Variants in FAAH2 observed in about 807,000 individuals in gnomAD.
FAAH2 encodes fatty-acid amide hydrolase 2.
Under a neutral mutation model 36.9 loss-of-function variants are expected in FAAH2, and 60 were observed. That is an observed-to-expected ratio of 1.63 (90% confidence interval 1.32 to 2.02). The LOEUF is 2.02. Among genes scored for constraint, FAAH2 ranks in the 30% most tolerant of loss-of-function variants. FAAH2 has a pLI of 0.00. For missense variants in FAAH2, 689 were observed against 397.5 expected, an observed-to-expected ratio of 1.73 and a Z score of -6.23; for synonymous variants, 214 against 143.8, an observed-to-expected ratio of 1.49 and a Z score of -3.49.
At chrX:57,177,320 T>C in the FAAH2 span, among the ~76,000 whole-genome samples, 1 of 108,186 alleles carries the variant, frequency 9.2e-6, no homozygotes, top group East Asian at 2.9e-4. Flanking sequence ...CAGGCACCTC[T>C]TTTCATATGC....
chrX:57,364,422 T>G (rs5960960), intron 5 of FAAH2, among the ~76,000 whole-genome samples: 35,559 of 100,757 alleles, frequency 0.35, 5,979 homozygotes, highest in Middle Eastern at 0.59. Flanking sequence ...CACTTCTGCT[T>G]GTGCTTATTT....
intron 10 of FAAH2, chrX:57,452,245 C>T: frequency 4.0e-6 from 3 of 754,342 alleles, no homozygotes; most frequent in Non-Finnish European, 3.1e-6. Flanking sequence ...GCCAGGAATG[C>T]TAAGCAGATC....
the FAAH2 span, among the ~76,000 whole-genome samples, chrX:57,217,837 T>C: frequency 8.9e-6 from 1 of 112,164 alleles, no homozygotes; most frequent in Non-Finnish European, 1.9e-5. Flanking sequence ...GGTATTTTGA[T>C]GGAGATTGCA....
At chrX:57,276,443 T>C in the FAAH2 span, among the ~76,000 whole-genome samples, 1 of 112,010 alleles carries the variant, frequency 8.9e-6, no homozygotes, top group Non-Finnish European at 1.9e-5. Context: ...GGGAAATTTA[T>C]AGCACTAAAT....
chrX:57,280,883 G>A, the FAAH2 span, among the ~76,000 whole-genome samples: 1 of 112,049 alleles, frequency 8.9e-6, no homozygotes, highest in Non-Finnish European at 1.9e-5. Flanking sequence ...TGGAATACTA[G>A]GTAACAATGA....
intron 5 of FAAH2, among the ~76,000 whole-genome samples, chrX:57,371,566 G>A (rs1025554141): frequency 1.9e-5 from 2 of 106,703 alleles, no homozygotes; most frequent in Non-Finnish European, 3.9e-5. Context: ...TGTCTTTTAG[G>A]TAGAACAATA....
the FAAH2 span, among the ~76,000 whole-genome samples, chrX:57,163,766 C>T: frequency 1.8e-5 from 2 of 112,276 alleles, no homozygotes; most frequent in African/African-American, 6.5e-5. Context: ...CTGTCTGGCA[C>T]TACCTAGTGA....
intron 7 of FAAH2, among the ~76,000 whole-genome samples, chrX:57,385,905 T>TAA (rs34589565): frequency 0.011 from 1,038 of 95,803 alleles, 10 homozygotes; most frequent in African/African-American, 0.024. Flanking sequence ...GAGACTCCGT[T>TAA]AAAAAAAAAA....
At chrX:57,279,256 G>T in the FAAH2 span, among the ~76,000 whole-genome samples, 1 of 112,546 alleles carries the variant, frequency 8.9e-6, no homozygotes, top group African/African-American at 3.2e-5. Context: ...TATACACCAT[G>T]GAATACTATG....
intron 4 of FAAH2, among the ~76,000 whole-genome samples, chrX:57,338,397 G>T (rs1285887995): frequency 2.7e-5 from 3 of 111,707 alleles, no homozygotes; most frequent in Non-Finnish European, 5.6e-5. Context: ...CATCAGTTAA[G>T]GCAAGGACTG....
the FAAH2 span, among the ~76,000 whole-genome samples, chrX:57,148,140 T>G: frequency 1.8e-5 from 2 of 111,512 alleles, no homozygotes; most frequent in Non-Finnish European, 3.8e-5. Context: ...TTGGTACCAG[T>G]ACCATGCTGT....
chrX:57,185,055 C>T, the FAAH2 span, among the ~76,000 whole-genome samples: 1 of 110,838 alleles, frequency 9.0e-6, no homozygotes. Context: ...TCCATTTCCT[C>T]AAGCATTTAT....
At chrX:57,376,014 C>T (rs1228447706) in intron 5 of FAAH2, among the ~76,000 whole-genome samples, 3 of 110,818 alleles carry the variant, frequency 2.7e-5, no homozygotes, top group Non-Finnish European at 5.7e-5. Flanking sequence ...ATTGCAGTGC[C>T]ATCTTTGTTT....
intron 7 of FAAH2, among the ~76,000 whole-genome samples, chrX:57,418,977 T>G (rs1190800245): frequency 9.5e-6 from 1 of 104,915 alleles, no homozygotes; most frequent in Non-Finnish European, 2.0e-5. Flanking sequence ...GTTTGGTTTT[T>G]TGTCCTTGTG....
chrX:57,331,223 T>C (rs1289780433), intron 3 of FAAH2, among the ~76,000 whole-genome samples: 1 of 111,667 alleles, frequency 9.0e-6, no homozygotes, highest in African/African-American at 3.3e-5. Flanking sequence ...CTAATCCAAG[T>C]GTCCATGGTG....
chrX:57,408,503 A>G (rs2055620694), intron 7 of FAAH2, among the ~76,000 whole-genome samples: 1 of 109,357 alleles, frequency 9.1e-6, no homozygotes, highest in Non-Finnish European at 1.9e-5. Flanking sequence ...ATCTGCAAAC[A>G]CAATTTTGCA....
intron 3 of FAAH2, among the ~76,000 whole-genome samples, chrX:57,327,668 G>A (rs1273424650): frequency 9.0e-6 from 1 of 111,486 alleles, no homozygotes; most frequent in African/African-American, 3.3e-5. Flanking sequence ...TGTAGTTCTG[G>A]TGCTGTGGTT....
chrX:57,479,521 A>G (rs2057338150), intron 10 of FAAH2, among the ~76,000 whole-genome samples: 2 of 111,107 alleles, frequency 1.8e-5, no homozygotes, highest in East Asian at 5.7e-4. Context: ...AACTTCCAAC[A>G]CTATGTTGAG....
chrX:57,270,859 C>T, the FAAH2 span, among the ~76,000 whole-genome samples: 5 of 112,109 alleles, frequency 4.5e-5, no homozygotes, highest in East Asian at 2.8e-4. Flanking sequence ...TGGTGCCTAC[C>T]CCACCAAGGC....
Sources: gnomAD v4.1 joint callset for allele counts (sites outside exome capture counted in the v4.1 genomes callset) on GRCh38, gnomAD v4.1.1 for gene constraint, MANE v1.5 for transcripts, NCBI Gene and HGNC (gene_info 2026-07-23, HGNC 2026-07-21) for gene names.